ARHGEF7: variants seen among roughly 807,000 people sequenced by gnomAD.
ARHGEF7 encodes the protein Rho guanine nucleotide exchange factor 7, also known as PAK-interacting exchange factor beta.
Under a neutral mutation model 109.8 loss-of-function variants are expected in ARHGEF7, and 33 were observed. The ratio of observed to expected loss-of-function variants is 0.30; its 90% CI spans 0.23 to 0.40. The LOEUF (loss-of-function observed/expected upper bound fraction) is 0.40, where lower values mean the gene tolerates loss of function less well. ARHGEF7 is among the 10% of genes least tolerant of loss of function. The pLI is 1.00. For missense variants in ARHGEF7, 938 were observed against 1,098.5 expected, an observed-to-expected ratio of 0.85 and a Z score of 2.07; for synonymous variants, 458 against 424.6, an observed-to-expected ratio of 1.08 and a Z score of -0.97.
chr13:111,132,107 C>G (rs1430670189), intron 1 of ARHGEF7, among the ~76,000 whole-genome samples: 1 of 152,176 alleles, frequency 6.6e-6, no homozygotes, highest in Non-Finnish European at 1.5e-5. Flanking sequence ...CAGTGAGGGT[C>G]AGCGTGTTTT....
chr13:111,157,073 T>C (rs145800866), intron 2 of ARHGEF7, among the ~76,000 whole-genome samples: 2 of 152,346 alleles, frequency 1.3e-5, no homozygotes, highest in East Asian at 3.9e-4. Flanking sequence ...AAATCAGATA[T>C]TATCCCCCAA....
intron 4 of ARHGEF7, among the ~76,000 whole-genome samples, 176 bp downstream of exon 4, chr13:111,210,178 C>G (rs1460304824): frequency 6.6e-6 from 1 of 152,176 alleles, no homozygotes; most frequent in African/African-American, 2.4e-5. Flanking sequence ...ACCAGATGAT[C>G]CAGATATTAT....
chr13:111,239,956 C>G lies in ARHGEF7; in HGVS notation c.760-3916C>G, dbSNP rs1239889567. Among the ~76,000 whole-genome samples, 4 of 152,156 alleles carry G rather than the reference C, an allele frequency of 2.6e-5. No homozygotes were observed. The highest frequency in any genetic ancestry group is 2.6e-4 in the Admixed American group (4 of 15,282). ...TTAAGAAGCAGCTCCAAGTAAGACTCTACATTGGGCTGGAAGGTCGAAGGG... is the reference window on the plus strand; with the variant it reads ...TTAAGAAGCAGCTCCAAGTAAGACTGTACATTGGGCTGGAAGGTCGAAGGG... On this transcript the variant is annotated intron_variant, in intron 6 of 21. Coordinates refer to ENST00000646102, the MANE Select transcript of ARHGEF7 (RefSeq NM_001354046.2). The surrounding 1 kb of genome is among the most constrained non-coding windows in gnomAD (Gnocchi z 4.3).
At chr13:111,279,743 C>T (rs1422505043) in intron 13 of ARHGEF7, among the ~76,000 whole-genome samples, 1 of 152,192 alleles carries the variant, frequency 6.6e-6, no homozygotes, top group African/African-American at 2.4e-5. Flanking sequence ...GTTTGCCAAC[C>T]ATTTTGTGCA....
rs548009728 is a variant in ARHGEF7, at chr13:111,202,239, T to C, written c.253-3050T>C. ...TAGTGCAGGTGGCAGGAAGTGTGCC[T>C]GTGCTGGCATTGAGGCTTCAGCTGG... On this transcript the variant is annotated intron_variant, in intron 2 of 21. Transcript: ENST00000646102. Among the ~76,000 whole-genome samples, 53 of 152,348 alleles carry C rather than the reference T, an allele frequency of 3.5e-4. 1 individual carries two copies. The South Asian group carries it at 8.5e-3, about 24-fold the overall frequency.
At chr13:111,206,353 G>T (rs565976837) in intron 3 of ARHGEF7, among the ~76,000 whole-genome samples, 1 of 152,154 alleles carries the variant, frequency 6.6e-6, no homozygotes, top group Admixed American at 6.5e-5. Flanking sequence ...CCTTGGTGCT[G>T]CCTCCCAGCG....
At chr13:111,200,789 C>T (rs768359593) in intron 2 of ARHGEF7, among the ~76,000 whole-genome samples, 4 of 152,188 alleles carry the variant, frequency 2.6e-5, no homozygotes, top group Non-Finnish European at 4.4e-5. Context: ...TTATCCAAAA[C>T]GGTCCAGTGC....
chr13:111,219,903 AC>A (rs2083607017), intron 5 of ARHGEF7, among the ~76,000 whole-genome samples: 1 of 152,280 alleles, frequency 6.6e-6, no homozygotes, highest in African/African-American at 2.4e-5. Flanking sequence ...CAAGTACATG[AC>A]ATCCTTTAAA....
At chr13:111,211,823 C>T (rs1445039707) in intron 4 of ARHGEF7, among the ~76,000 whole-genome samples, 2 of 152,216 alleles carry the variant, frequency 1.3e-5, no homozygotes, top group Non-Finnish European at 2.9e-5. Context: ...GGAGGGCCAC[C>T]TGTCACTCTC....
intron 1 of ARHGEF7, among the ~76,000 whole-genome samples, chr13:111,140,897 T>C (rs2075315051): frequency 6.6e-6 from 1 of 152,150 alleles, no homozygotes; most frequent in South Asian, 2.1e-4. Context: ...CCGGCTGATC[T>C]TGAACTCCTG....
chr13:111,190,518 G>T (rs2079760229), intron 2 of ARHGEF7, among the ~76,000 whole-genome samples: 1 of 152,200 alleles, frequency 6.6e-6, no homozygotes, highest in African/African-American at 2.4e-5. Context: ...AGTAAGGATA[G>T]ATTTCGTTAT....
chr13:111,202,500 G>A (rs1438096184), intron 2 of ARHGEF7, among the ~76,000 whole-genome samples: 1 of 152,168 alleles, frequency 6.6e-6, no homozygotes, highest in Non-Finnish European at 1.5e-5. Context: ...AATGGAATAT[G>A]GTTTGTACTT....
At chr13:111,166,328 T>C (rs1215272583) in intron 2 of ARHGEF7, among the ~76,000 whole-genome samples, 1 of 152,210 alleles carries the variant, frequency 6.6e-6, no homozygotes, top group Non-Finnish European at 1.5e-5. Context: ...CAGGTGGTCC[T>C]GTAGGTCCTG....
chr13:111,261,174 A>T (rs1478904738), intron 8 of ARHGEF7, among the ~76,000 whole-genome samples: 1 of 152,216 alleles, frequency 6.6e-6, no homozygotes, highest in East Asian at 1.9e-4. Flanking sequence ...AAACTCTGCA[A>T]TCAAGAGCCG....
chr13:111,214,718 A>G (rs1448510961), intron 4 of ARHGEF7, among the ~76,000 whole-genome samples: 3 of 152,322 alleles, frequency 2.0e-5, no homozygotes, highest in African/African-American at 4.8e-5. Flanking sequence ...CTGCGCTGGT[A>G]ATTGTTCGCT....
intron 2 of ARHGEF7, among the ~76,000 whole-genome samples, chr13:111,155,776 T>C (rs1174830410): frequency 6.6e-6 from 1 of 152,236 alleles, no homozygotes; most frequent in African/African-American, 2.4e-5. Context: ...AAAAAAGTTT[T>C]GTTTTAAAGT....
chr13:111,191,328 C>T (rs2079864079), intron 2 of ARHGEF7, among the ~76,000 whole-genome samples: 1 of 152,100 alleles, frequency 6.6e-6, no homozygotes, highest in Non-Finnish European at 1.5e-5. Flanking sequence ...CATAAAGGGA[C>T]ATGGAAAGTT....
chr13:111,217,915 T>G (rs1271962567), intron 5 of ARHGEF7, 35 bp downstream of exon 5: 20 of 1,573,836 alleles, frequency 1.3e-5, no homozygotes, highest in Admixed American at 3.6e-5. Flanking sequence ...TGTGGCTTTT[T>G]GCGATGAGCA....
intron 2 of ARHGEF7, among the ~76,000 whole-genome samples, chr13:111,194,933 A>G (rs2080318988): frequency 6.6e-6 from 1 of 152,226 alleles, no homozygotes; most frequent in Non-Finnish European, 1.5e-5. Context: ...AGCAGGGTAT[A>G]GGGGTTGGGT....
Sources: allele counts gnomAD v4.1 joint callset (sites outside exome capture counted in the v4.1 genomes callset), GRCh38; gene constraint gnomAD v4.1.1; non-coding constraint Gnocchi (gnomAD v3.1); transcripts MANE v1.5; gene names NCBI Gene and HGNC (gene_info 2026-07-23, HGNC 2026-07-21).